Variants in TMEM45B observed in about 807,000 individuals in gnomAD.
TMEM45B encodes transmembrane protein 45B.
TMEM45B carries 29 observed loss-of-function variants against 27.3 expected under a neutral mutation model. That is an observed-to-expected ratio of 1.06 (90% CI 0.79 to 1.45). The LOEUF (loss-of-function observed/expected upper bound fraction) is 1.45, where lower values mean the gene tolerates loss of function less well. Among genes scored for constraint, TMEM45B ranks in the 40% most tolerant of loss-of-function variants. The pLI is 0.00. For missense variants in TMEM45B, 348 were observed against 343.9 expected, an observed-to-expected ratio of 1.01 and a Z score of -0.09; for synonymous variants, 143 against 134.7, an observed-to-expected ratio of 1.06 and a Z score of -0.43.
At chr11:129,832,244 C>T (rs1947558666) in intron 1 of TMEM45B, among the ~76,000 whole-genome samples, 1 of 151,642 alleles carries the variant, frequency 6.6e-6, no homozygotes, top group Admixed American at 6.6e-5. Context: ...GTGGCAGGCT[C>T]CTGGAGTCCC....
chr11:129,829,872 G>T (rs1275595161), intron 1 of TMEM45B, among the ~76,000 whole-genome samples: 1 of 152,206 alleles, frequency 6.6e-6, no homozygotes, highest in Non-Finnish European at 1.5e-5. Context: ...TCTGTAAAGA[G>T]TTGATGAAAT....
intron 2 of TMEM45B, among the ~76,000 whole-genome samples, chr11:129,853,978 C>T (rs1018917476): frequency 3.9e-5 from 6 of 152,196 alleles, no homozygotes; most frequent in African/African-American, 4.8e-5. Context: ...GTCGCAGTTT[C>T]GTCATTTTCT....
chr11:129,857,766 CACGTAAAGGGTTCATTCTGG>C (rs1947951504), intron 5 of TMEM45B, among the ~76,000 whole-genome samples: 1 of 152,132 alleles, frequency 6.6e-6, no homozygotes, highest in Non-Finnish European at 1.5e-5. Flanking sequence ...TGGCAGTCCC[CACGTAAAGGGTTCATTCTGG>C]ACCCATCATC....
intron 1 of TMEM45B, among the ~76,000 whole-genome samples, chr11:129,828,549 T>C (rs1947513523): frequency 6.6e-6 from 1 of 152,174 alleles, no homozygotes; most frequent in Non-Finnish European, 1.5e-5. Context: ...CACAGAACTC[T>C]CTGCTTCCCC....
chr11:129,847,092 G>C (rs945503586), intron 1 of TMEM45B, among the ~76,000 whole-genome samples: 20 of 152,208 alleles, frequency 1.3e-4, no homozygotes, highest in African/African-American at 4.8e-4. Flanking sequence ...AGCAGGGTGG[G>C]GAAGAGGGAG....
intron 4 of TMEM45B, 29 bp downstream of exon 4, chr11:129,855,921 G>T: frequency 1.2e-6 from 2 of 1,611,716 alleles, no homozygotes; most frequent in Non-Finnish European, 1.7e-6. Context: ...GCCCCTCGCT[G>T]GTCTGGATGG....
chr11:129,843,551 CTGT>C (rs1351279705), intron 1 of TMEM45B, among the ~76,000 whole-genome samples: 1 of 149,670 alleles, frequency 6.7e-6, no homozygotes, highest in Admixed American at 6.7e-5. Context: ...GAAAATATTT[CTGT>C]TGTTATAGCA....
intron 1 of TMEM45B, among the ~76,000 whole-genome samples, chr11:129,843,951 T>C (rs1423699865): frequency 1.3e-5 from 2 of 152,136 alleles, no homozygotes; most frequent in African/African-American, 4.8e-5. Flanking sequence ...TGTGTATATA[T>C]CGAAAGCAAA....
chr11:129,821,713 C>G (rs1947422004), intron 1 of TMEM45B, among the ~76,000 whole-genome samples: 1 of 152,178 alleles, frequency 6.6e-6, no homozygotes, highest in African/African-American at 2.4e-5. Context: ...ATTCTACTTT[C>G]TTACGGTGCT....
Position 129,826,567 on chromosome 11 carries a change from A to AAAAAAAAAAAAAAT in TMEM45B, c.-9+10670_-9+10671insAAAAAAAAAAAATA, listed in dbSNP as rs1199881268. On this transcript the variant is annotated intron_variant, in intron 1 of 5. Coordinates refer to ENST00000281441, the MANE Select transcript of TMEM45B (RefSeq NM_138788.5). ...CTGTCACAAAAAAAAAAAAAAAAAAAAGGACCCTGAGAGGCTATGTGTCTT... is the reference window on the plus strand; with the variant it reads ...CTGTCACAAAAAAAAAAAAAAAAAAAAAAAAAAAAAAAATAGGACCCTGAGAGGCTATGTGTCTT... 5.0e-4 allele frequency among the ~76,000 whole-genome samples: 48 copies of AAAAAAAAAAAAAAT among 96,112 alleles called. 3 individuals carry two copies. The highest frequency in any genetic ancestry group is 6.2e-4 in the Non-Finnish European group (31 of 49,874). 63.1% of individuals were successfully genotyped at this position (96,112 alleles called of 152,430 possible).
chr11:129,838,962 A>G (rs1213568505), intron 1 of TMEM45B, among the ~76,000 whole-genome samples: 1 of 152,126 alleles, frequency 6.6e-6, no homozygotes, highest in Non-Finnish European at 1.5e-5. Context: ...AATGGCATCA[A>G]CCATAATTTC....
At position 129,854,767 on chromosome 11, in the gene TMEM45B, T is replaced by A. The variant is rs1180041797; in HGVS notation, c.336T>A (p.Val112=). 4 of 1,614,198 alleles carry A rather than the reference T, an allele frequency of 2.5e-6. No individual in the cohort carries two copies. The highest frequency in any genetic ancestry group is 3.4e-6 in the Non-Finnish European group (4 of 1,180,034). ...TGCTCACCTATCTGGTCAGCCACGT[T>A]CCCTTGGGGGTGGACAGACTGGTTA... ...VDMLTYLVSH[V]PLGVDRLVMA... is the part of the protein sequence containing the mutation. The change falls in exon 3 of 6, where the codon GTT becomes GTA. Residue 112 remains valine, a synonymous_variant. Coordinates refer to ENST00000281441, the MANE Select transcript of TMEM45B (RefSeq NM_138788.5).
chr11:129,837,585 CTT>C lies in TMEM45B; in HGVS notation c.-8-14876_-8-14875del, dbSNP rs200040338. On this transcript the variant is annotated intron_variant, in intron 1 of 5. Coordinates refer to ENST00000281441, the MANE Select transcript of TMEM45B (RefSeq NM_138788.5). ...TACAGGCATGAGCCACTGCACTGGGCTTTTTTTTTTTTTTTGAGACAGGGTCT... is the reference window on the plus strand; with the variant it reads ...TACAGGCATGAGCCACTGCACTGGGCTTTTTTTTTTTTTGAGACAGGGTCT... 1.3e-3 allele frequency among the ~76,000 whole-genome samples: 101 copies of C among 80,280 alleles called. 7 individuals are homozygous for C. Among genetic ancestry groups the C allele is most frequent in the Admixed American group, 3.6e-3 (21 of 5,894 alleles). 52.7% of individuals were successfully genotyped at this position (80,280 alleles called of 152,430 possible).
At chr11:129,844,997 G>A (rs149123092) in intron 1 of TMEM45B, among the ~76,000 whole-genome samples, 18 of 152,204 alleles carry the variant, frequency 1.2e-4, no homozygotes, top group African/African-American at 4.3e-4. Context: ...AATGAAGAAC[G>A]CTGGAAATGG....
At chr11:129,834,411 A>G (rs1284858794) in intron 1 of TMEM45B, among the ~76,000 whole-genome samples, 2 of 148,396 alleles carry the variant, frequency 1.3e-5, no homozygotes, top group Non-Finnish European at 3.0e-5. Context: ...AGCCTCGGCA[A>G]TAGAGCGAGA....
Position 129,859,342 on chromosome 11 carries a change from T to A in TMEM45B, c.*657T>A, listed in dbSNP as rs1468203746. On this transcript the variant is annotated 3_prime_UTR_variant, in exon 6 of 6. Coordinates refer to ENST00000281441, the MANE Select transcript of TMEM45B (RefSeq NM_138788.5). The stretch of plus-strand genomic sequence containing the variant: ...AGCTGGTTACTGGCTCTACTGAGAG[T>A]TGGAGCCCTGATGTTCTGATTCTTC... 6.6e-6 allele frequency: 1 copy of A among 152,042 alleles called. No homozygotes were observed. Among genetic ancestry groups the A allele is most frequent in the Non-Finnish European group, 1.5e-5 (1 of 68,020 alleles). The allele number at this position is 152,042 out of a possible 1,614,324, so 9.4% of individuals were successfully genotyped here.
chr11:129,844,114 A>C (rs890038144), intron 1 of TMEM45B, among the ~76,000 whole-genome samples: 1 of 152,210 alleles, frequency 6.6e-6, no homozygotes, highest in South Asian at 2.1e-4. Flanking sequence ...GATATTATTC[A>C]GCCTTAAAAA....
chr11:129,851,723 T>A (rs1947849311), intron 1 of TMEM45B, among the ~76,000 whole-genome samples: 3 of 151,964 alleles, frequency 2.0e-5, no homozygotes, highest in Non-Finnish European at 1.5e-5. Flanking sequence ...TCTGAATAAA[T>A]CCTAGCTATA....
intron 1 of TMEM45B, among the ~76,000 whole-genome samples, chr11:129,822,687 C>T (rs947654823): frequency 1.6e-4 from 24 of 152,098 alleles, no homozygotes; most frequent in African/African-American, 5.8e-4. Flanking sequence ...TTGACTCCGC[C>T]TGCACTTTGA....
Sources: allele counts gnomAD v4.1 joint callset (sites outside exome capture counted in the v4.1 genomes callset), GRCh38; gene constraint gnomAD v4.1.1; transcripts MANE v1.5; gene names NCBI Gene and HGNC (gene_info 2026-07-23, HGNC 2026-07-21).